TBC1D23: variants seen among roughly 807,000 people sequenced by gnomAD.
TBC1D23 encodes TBC1 domain family member 23.
TBC1D23 carries 55 observed loss-of-function variants against 91.4 expected under a neutral mutation model. That is an observed-to-expected ratio of 0.60 (90% CI 0.48 to 0.75). The LOEUF is 0.75. Among genes scored for constraint, TBC1D23 ranks in the 30% least tolerant of loss-of-function variants. TBC1D23 has a pLI of 0.00. For missense variants in TBC1D23, 725 were observed against 836.1 expected (o/e 0.87, Z 1.64); for synonymous variants, 289 against 281.0 (o/e 1.03, Z -0.28).
chr3:100,301,908 C>A, intron 10 of TBC1D23, 159 bp from the exon 11 acceptor site: 1 of 575,478 alleles, frequency 1.7e-6, no homozygotes, highest in Non-Finnish European at 3.0e-6. Context: ...ATAAATATTT[C>A]TCTTATCCCA....
chr3:100,318,753 C>T (rs1329832802), intron 16 of TBC1D23, among the ~76,000 whole-genome samples: 4 of 151,310 alleles, frequency 2.6e-5, no homozygotes, highest in South Asian at 2.1e-4. Context: ...TGGGTTCAAG[C>T]GATTCTCATG....
Position 100,319,067 on chromosome 3 carries a change from A to G in TBC1D23, c.1688-2A>G, listed in dbSNP as rs748689259. 6.5e-7 allele frequency: 1 copy of G among 1,541,200 alleles called. No individual in the cohort carries two copies. Among genetic ancestry groups the G allele is most frequent in the South Asian group, 1.2e-5 (1 of 84,350 alleles). On this transcript the variant is annotated splice_acceptor_variant, in intron 16 of 18. Transcript: ENST00000394144. LOFTEE classifies it high-confidence loss of function. ...ATATTTAATACTTTGTATTTTTTAT[A>G]GATGAAATTGACAGTTCTTCAATGT...
chr3:100,284,853 A>G (rs1005913498), intron 4 of TBC1D23, among the ~76,000 whole-genome samples: 1 of 152,162 alleles, frequency 6.6e-6, no homozygotes, highest in South Asian at 2.1e-4. Flanking sequence ...TAAAAATCCT[A>G]ATGACTATTT....
intron 15 of TBC1D23, 145 bp from the exon 16 acceptor site, chr3:100,315,954 C>T: frequency 3.1e-6 from 2 of 644,600 alleles, no homozygotes; most frequent in Non-Finnish European, 5.5e-6. Context: ...ACATAGCTCT[C>T]CTAAAACTAT....
chr3:100,290,754 A>T, intron 5 of TBC1D23, 53 bp downstream of exon 5: 1 of 1,411,760 alleles, frequency 7.1e-7, no homozygotes, highest in Non-Finnish European at 9.5e-7. Context: ...ATGTAAAGCT[A>T]TAGTTAGGTG....
chr3:100,317,777 T>A (rs1705776470), intron 16 of TBC1D23, among the ~76,000 whole-genome samples: 1 of 151,946 alleles, frequency 6.6e-6, no homozygotes, highest in Admixed American at 6.6e-5. Context: ...ATATTTACAT[T>A]TATCATGTAT....
intron 18 of TBC1D23, among the ~76,000 whole-genome samples, chr3:100,321,517 A>G (rs1705857888): frequency 1.3e-5 from 2 of 152,172 alleles, no homozygotes; most frequent in Admixed American, 1.3e-4. Context: ...GGGTGGAATG[A>G]CTTCCCAGAT....
At chr3:100,273,043 C>T (rs1015155879) in intron 1 of TBC1D23, among the ~76,000 whole-genome samples, 18 of 152,176 alleles carry the variant, frequency 1.2e-4, no homozygotes, top group African/African-American at 4.3e-4. Context: ...AGACCCTTTA[C>T]GGGTGTCGGG....
intron 4 of TBC1D23, among the ~76,000 whole-genome samples, chr3:100,287,708 A>G (rs190072645): frequency 5.1e-4 from 78 of 152,328 alleles, no homozygotes; most frequent in Admixed American, 4.1e-3. Flanking sequence ...TGAGAGTCAT[A>G]CAAATCCTGA....
At chr3:100,286,607 C>T (rs1265351531) in intron 4 of TBC1D23, among the ~76,000 whole-genome samples, 1 of 152,002 alleles carries the variant, frequency 6.6e-6, no homozygotes, top group Non-Finnish European at 1.5e-5. Context: ...AAGTGATTCT[C>T]ATACCTCAGC....
chr3:100,291,468 G>T (rs1263230294), intron 5 of TBC1D23, among the ~76,000 whole-genome samples: 1 of 151,898 alleles, frequency 6.6e-6, no homozygotes, highest in Non-Finnish European at 1.5e-5. Context: ...TGTAATCCCA[G>T]CTACTTGGGA....
intron 4 of TBC1D23, among the ~76,000 whole-genome samples, chr3:100,286,259 G>A (rs1029212028): frequency 6.6e-6 from 1 of 152,194 alleles, no homozygotes; most frequent in Non-Finnish European, 1.5e-5. Flanking sequence ...CTAACAGCTA[G>A]CAATAGCAAG....
chr3:100,273,084 C>T (rs575749950), intron 1 of TBC1D23, among the ~76,000 whole-genome samples: 31 of 152,286 alleles, frequency 2.0e-4, no homozygotes, highest in Non-Finnish European at 2.2e-4. Flanking sequence ...TCCCTGCCCA[C>T]GAGGCCATAT....
At chr3:100,271,685 A>G (rs2067600847) in intron 1 of TBC1D23, among the ~76,000 whole-genome samples, 1 of 152,190 alleles carries the variant, frequency 6.6e-6, no homozygotes, top group Admixed American at 6.5e-5. Context: ...AAGTAAAGTC[A>G]CCTGAGGTAA....
chr3:100,289,421 A>G (rs2067771162), intron 4 of TBC1D23, among the ~76,000 whole-genome samples: 1 of 152,118 alleles, frequency 6.6e-6, no homozygotes, highest in Non-Finnish European at 1.5e-5. Context: ...GTTTTCTAAG[A>G]GTGCTGTGTA....
chr3:100,301,972 T>G, intron 10 of TBC1D23, 95 bp from the exon 11 acceptor site: 1 of 851,580 alleles, frequency 1.2e-6, no homozygotes, highest in Non-Finnish European at 1.8e-6. Flanking sequence ...TGTGGCTCTT[T>G]AAATATTGGG....
chr3:100,287,896 C>T (rs185833609), intron 4 of TBC1D23, among the ~76,000 whole-genome samples: 8 of 151,590 alleles, frequency 5.3e-5, no homozygotes, highest in African/African-American at 1.7e-4. Flanking sequence ...TGGGACTACA[C>T]GTACATGCCA....
In TBC1D23 at chr3:100,298,061, C is replaced by A. The variant is rs1705338298; in HGVS notation, c.999+16C>A. 6.2e-7 allele frequency: 1 copy of A among 1,609,754 alleles called. No homozygotes were observed. On this transcript the variant is annotated intron_variant, in intron 9 of 18. Coordinates refer to ENST00000394144, the MANE Select transcript of TBC1D23 (RefSeq NM_001199198.3). ...GCTACAAGGGGTAAGTAAAGGAAAC[C>A]CAGTTTGTTAGGGGACTGTTCATTT...
chr3:100,275,747 A>G (rs1257387646), intron 1 of TBC1D23, among the ~76,000 whole-genome samples: 6 of 152,258 alleles, frequency 3.9e-5, no homozygotes, highest in Non-Finnish European at 8.8e-5. Flanking sequence ...ATAACCAAAA[A>G]GTTGAAACAA....
Sources: gnomAD v4.1 joint callset for allele counts (sites outside exome capture counted in the v4.1 genomes callset) on GRCh38, gnomAD v4.1.1 for gene constraint, MANE v1.5 for transcripts, NCBI Gene and HGNC (gene_info 2026-07-23, HGNC 2026-07-21) for gene names.